HECW1: variants seen among roughly 807,000 people sequenced by gnomAD.
The protein encoded by HECW1 is E3 ubiquitin-protein ligase HECW1.
A neutral mutation model predicts 182.3 loss-of-function variants in HECW1; 61 were observed. The ratio of observed to expected loss-of-function variants is 0.33; its 90% confidence interval spans 0.27 to 0.41. The LOEUF (loss-of-function observed/expected upper bound fraction) is 0.41. Among genes scored for constraint, HECW1 ranks in the 10% least tolerant of loss-of-function variants. HECW1 has a pLI of 1.00. For missense variants in HECW1, 1,739 were observed against 2,108.9 expected (o/e 0.82, Z 3.44); for synonymous variants, 859 against 832.6 (o/e 1.03, Z -0.55).
At chr7:43,540,840 T>G (rs2081338730) in intron 24 of HECW1, among the ~76,000 whole-genome samples, 2 of 152,180 alleles carry the variant, frequency 1.3e-5, no homozygotes, top group East Asian at 3.9e-4. Flanking sequence ...GGGCTTTTTA[T>G]CTAAGATTTC....
chr7:43,263,873 C>T (rs947108385), intron 3 of HECW1, among the ~76,000 whole-genome samples: 1 of 152,118 alleles, frequency 6.6e-6, no homozygotes, highest in Admixed American at 6.6e-5. Context: ...CTCCTTACCT[C>T]TTAATTTTAT....
At chr7:43,340,356 G>A (rs555746492) in intron 5 of HECW1, among the ~76,000 whole-genome samples, 33 of 150,922 alleles carry the variant, frequency 2.2e-4, no homozygotes, top group Non-Finnish European at 3.8e-4. Flanking sequence ...GAGTAGCTGG[G>A]ATTACAGTCG....
intron 2 of HECW1, among the ~76,000 whole-genome samples, chr7:43,221,540 T>TG (rs1796952522): frequency 5.1e-5 from 1 of 19,468 alleles, no homozygotes; most frequent in South Asian, 1.9e-3. Flanking sequence ...GAATTAGGTT[T>TG]TTTTTTTTTT....
intron 6 of HECW1, among the ~76,000 whole-genome samples, chr7:43,375,284 CT>C: frequency 6.6e-6 from 1 of 151,344 alleles, no homozygotes; most frequent in Non-Finnish European, 1.5e-5. Context: ...GGTAAGATGT[CT>C]ATTTAAAGGG....
intron 26 of HECW1, among the ~76,000 whole-genome samples, chr7:43,544,923 G>A (rs2081498053): frequency 6.6e-6 from 1 of 152,180 alleles, no homozygotes; most frequent in South Asian, 2.1e-4. Flanking sequence ...AGAGAAAAAG[G>A]ATAGTGAAGA....
chr7:43,230,710 G>A (rs1422008383), intron 2 of HECW1, among the ~76,000 whole-genome samples: 1 of 152,120 alleles, frequency 6.6e-6, no homozygotes, highest in African/African-American at 2.4e-5. Flanking sequence ...TGACACATAT[G>A]TATGTATAAA....
rs145695702 is a variant in HECW1, at chr7:43,501,557, A to C, written c.3631+235A>C. Reference sequence around the variant, plus strand: ...TTGGGAAAAAAATGTTTTGCTGGGCAGGTGGCTCATGCTTATAATCCCAGG... The same window carrying C: ...TTGGGAAAAAAATGTTTTGCTGGGCCGGTGGCTCATGCTTATAATCCCAGG... On this transcript the variant is annotated intron_variant, in intron 21 of 29. Coordinates refer to ENST00000395891, the MANE Select transcript of HECW1 (RefSeq NM_015052.5). 1.7e-3 allele frequency among the ~76,000 whole-genome samples: 255 copies of C among 152,270 alleles called. 2 individuals are homozygous for C. The highest frequency in any genetic ancestry group is 5.8e-3 in the African/African-American group (240 of 41,570).
At chr7:43,264,633 C>T (rs1801547560) in intron 3 of HECW1, among the ~76,000 whole-genome samples, 1 of 152,042 alleles carries the variant, frequency 6.6e-6, no homozygotes, top group Non-Finnish European at 1.5e-5. Context: ...ATCACAAGGT[C>T]AGGAGACCAA....
chr7:43,498,251 C>T (rs901865307), intron 19 of HECW1, among the ~76,000 whole-genome samples: 4 of 152,206 alleles, frequency 2.6e-5, no homozygotes, highest in African/African-American at 4.8e-5. Flanking sequence ...GGTGGTGCCA[C>T]GATAGAACCA....
rs1199597806 is a variant in HECW1 at position 43,488,386 on chromosome 7, G to T, written c.3235-3689G>T. ...AGGAAGGAAGGAAGGAAGGAAGGAA[G>T]GAAGGAAGGAAGGAAATGAAAGAAA... On this transcript the variant is annotated intron_variant, in intron 17 of 29. Transcript: ENST00000395891. Among the ~76,000 whole-genome samples, 50 of 54,644 alleles carry T rather than the reference G, an allele frequency of 9.2e-4. 1 individual carries two copies. Among genetic ancestry groups the T allele is most frequent in the Admixed American group, 1.4e-3 (6 of 4,244 alleles). 35.8% of individuals were successfully genotyped at this position (54,644 alleles called of 152,430 possible). A position where few individuals can be genotyped will look rare whatever the true frequency, so the allele number is the denominator to read the frequency against.
At chr7:43,153,492 T>G (rs535275601) in intron 2 of HECW1, among the ~76,000 whole-genome samples, 1 of 152,318 alleles carries the variant, frequency 6.6e-6, no homozygotes, top group South Asian at 2.1e-4. Context: ...TCATGTCTAG[T>G]TTTCCCATCT....
intron 21 of HECW1, among the ~76,000 whole-genome samples, chr7:43,505,950 G>A (rs2079561375): frequency 6.6e-6 from 1 of 152,140 alleles, no homozygotes; most frequent in African/African-American, 2.4e-5. Flanking sequence ...ACTAATAAAT[G>A]GTTATTGAAT....
At chr7:43,555,732 A>G (rs1032043937) in intron 29 of HECW1, among the ~76,000 whole-genome samples, 1 of 152,192 alleles carries the variant, frequency 6.6e-6, no homozygotes, top group Non-Finnish European at 1.5e-5. Flanking sequence ...CCAGCTGGTT[A>G]ACCACAGCTG....
intron 5 of HECW1, among the ~76,000 whole-genome samples, chr7:43,349,158 C>T (rs1365163151): frequency 6.6e-6 from 1 of 152,134 alleles, no homozygotes; most frequent in Non-Finnish European, 1.5e-5. Context: ...CCTCAGCCTA[C>T]CGAGTAGTTG....
At chr7:43,244,089 C>T (rs1799138971) in intron 3 of HECW1, among the ~76,000 whole-genome samples, 157 bp downstream of exon 3, 1 of 152,132 alleles carries the variant, frequency 6.6e-6, no homozygotes, top group African/African-American at 2.4e-5. Flanking sequence ...CATCACCCTC[C>T]CTCCCCACCA....
chr7:43,166,329 C>T (rs1039220645), intron 2 of HECW1, among the ~76,000 whole-genome samples: 3 of 152,190 alleles, frequency 2.0e-5, no homozygotes, highest in African/African-American at 7.2e-5. Flanking sequence ...GTGTGTTCCA[C>T]CTGCCTTGGC....
At chr7:43,215,282 C>T (rs1796342718) in intron 2 of HECW1, among the ~76,000 whole-genome samples, 1 of 152,218 alleles carries the variant, frequency 6.6e-6, no homozygotes, top group Admixed American at 6.5e-5. Context: ...TTGCAAGGGT[C>T]GGTTGTCCCC....
At chr7:43,352,921 G>A (rs1352256445) in intron 5 of HECW1, among the ~76,000 whole-genome samples, 1 of 152,072 alleles carries the variant, frequency 6.6e-6, no homozygotes, top group Non-Finnish European at 1.5e-5. Context: ...TGCTACAGCT[G>A]GCCTACTAAT....
intron 2 of HECW1, among the ~76,000 whole-genome samples, chr7:43,218,051 C>A (rs1252789184): frequency 6.6e-6 from 1 of 152,176 alleles, no homozygotes; most frequent in Non-Finnish European, 1.5e-5. Context: ...GTTTTAGATT[C>A]CCCTTTGGAG....
Sources: gnomAD v4.1 joint callset for allele counts (sites outside exome capture counted in the v4.1 genomes callset) on GRCh38, gnomAD v4.1.1 for gene constraint, MANE v1.5 for transcripts, NCBI Gene and HGNC (gene_info 2026-07-23, HGNC 2026-07-21) for gene names.